The following SLC9A9 variants were observed in gnomAD, a reference collection of about 807,000 sequenced individuals.
SLC9A9 encodes the protein solute carrier family 9 member A9, also known as sodium/hydrogen exchanger 9.
In SLC9A9, 62 loss-of-function variants were observed where a neutral mutation model predicts 77.8. That is an observed-to-expected ratio of 0.80 (90% CI 0.65 to 0.98). The LOEUF is 0.98. Ranked by LOEUF, SLC9A9 falls within the 50% of genes least tolerant of loss-of-function variation. The pLI is 0.00. For synonymous variants in SLC9A9, 320 were observed against 283.5 expected, an observed-to-expected ratio of 1.13 and a Z score of -1.29; for missense variants, 775 against 774.9, an observed-to-expected ratio of 1.00 and a Z score of 0.00.
intron 14 of SLC9A9, among the ~76,000 whole-genome samples, chr3:143,298,204 T>C (rs1236091262): frequency 1.3e-5 from 2 of 152,212 alleles, no homozygotes; most frequent in African/African-American, 4.8e-5. Flanking sequence ...CCACTGTGTA[T>C]CCATTCCGTG....
intron 12 of SLC9A9, among the ~76,000 whole-genome samples, chr3:143,403,086 T>C (rs2033900304): frequency 6.6e-6 from 1 of 152,148 alleles, no homozygotes; most frequent in Non-Finnish European, 1.5e-5. Flanking sequence ...TGCTGTCATA[T>C]ATATTACATC....
At chr3:143,556,601 C>T (rs1010432936) in intron 8 of SLC9A9, among the ~76,000 whole-genome samples, 7 of 152,166 alleles carry the variant, frequency 4.6e-5, no homozygotes, top group African/African-American at 1.7e-4. Context: ...ATTCATTTCC[C>T]TTTACTTTTC....
chr3:143,353,146 C>T (rs563613193), intron 14 of SLC9A9, among the ~76,000 whole-genome samples: 5 of 152,274 alleles, frequency 3.3e-5, no homozygotes, highest in African/African-American at 9.6e-5. Flanking sequence ...AACCCTGCTC[C>T]TTACAGATTC....
At chr3:143,517,828 A>C in intron 9 of SLC9A9, 1 of 1,601,386 alleles carries the variant, frequency 6.2e-7, no homozygotes, top group East Asian at 2.2e-5. Flanking sequence ...TGAATAAGTC[A>C]ATGGCTTTCT....
At chr3:143,347,888 C>T (rs2032337472) in intron 14 of SLC9A9, among the ~76,000 whole-genome samples, 1 of 152,068 alleles carries the variant, frequency 6.6e-6, no homozygotes, top group African/African-American at 2.4e-5. Context: ...AGGTGACAAT[C>T]AATTTAAATT....
intron 14 of SLC9A9, among the ~76,000 whole-genome samples, chr3:143,353,673 C>T (rs1417582683): frequency 6.6e-6 from 1 of 152,108 alleles, no homozygotes; most frequent in Non-Finnish European, 1.5e-5. Flanking sequence ...TGGCTGGTGC[C>T]ACCAATCTAC....
intron 12 of SLC9A9, among the ~76,000 whole-genome samples, chr3:143,427,749 G>C (rs2034432910): frequency 6.6e-6 from 1 of 152,126 alleles, no homozygotes; most frequent in Non-Finnish European, 1.5e-5. Context: ...TCCCTATCAG[G>C]CTGCTAGCAC....
chr3:143,493,916 CA>C (rs749824698), intron 10 of SLC9A9, 152 bp from the exon 11 acceptor site: 1 of 666,330 alleles, frequency 1.5e-6, no homozygotes, highest in Non-Finnish European at 2.7e-6. Flanking sequence ...AACTTGCTTC[CA>C]AAATTTATAT....
intron 5 of SLC9A9, among the ~76,000 whole-genome samples, chr3:143,673,577 G>A (rs1264954342): frequency 6.6e-6 from 1 of 151,420 alleles, no homozygotes; most frequent in Non-Finnish European, 1.5e-5. Flanking sequence ...AGGGAAGGGT[G>A]GGAGGGCAGG....
intron 11 of SLC9A9, among the ~76,000 whole-genome samples, chr3:143,472,257 G>A (rs950498073): frequency 6.6e-6 from 1 of 152,180 alleles, no homozygotes; most frequent in Non-Finnish European, 1.5e-5. Flanking sequence ...GTAAGAAGGT[G>A]TATTAGAGAT....
At chr3:143,515,565 AGGAAG>A (rs2036191593) in intron 9 of SLC9A9, among the ~76,000 whole-genome samples, 1 of 152,206 alleles carries the variant, frequency 6.6e-6, no homozygotes, top group South Asian at 2.1e-4. Flanking sequence ...TATCACATAG[AGGAAG>A]TTCTTCCCTT....
intron 9 of SLC9A9, among the ~76,000 whole-genome samples, chr3:143,519,597 A>G (rs1052626591): frequency 6.6e-6 from 1 of 152,202 alleles, no homozygotes; most frequent in Non-Finnish European, 1.5e-5. Flanking sequence ...CTTTAACACC[A>G]TCATTCTAGC....
At chr3:143,585,015 G>T (rs972844866) in intron 6 of SLC9A9, among the ~76,000 whole-genome samples, 3 of 152,196 alleles carry the variant, frequency 2.0e-5, no homozygotes, top group African/African-American at 7.2e-5. Context: ...CTGCTTGTCA[G>T]CGGTGTGTAG....
chr3:143,455,796 G>GTT (rs775545231), intron 12 of SLC9A9, among the ~76,000 whole-genome samples: 1 of 142,906 alleles, frequency 7.0e-6, no homozygotes. Flanking sequence ...ATTTCTAGAA[G>GTT]TTTTTTTTTT....
chr3:143,289,437 G>C (rs978253668), intron 14 of SLC9A9, among the ~76,000 whole-genome samples: 3 of 152,146 alleles, frequency 2.0e-5, no homozygotes, highest in South Asian at 2.1e-4. Flanking sequence ...CAGAGATGCA[G>C]CAAGAGCACT....
chr3:143,720,453 C>G (rs1055636388), intron 4 of SLC9A9, among the ~76,000 whole-genome samples: 2 of 152,192 alleles, frequency 1.3e-5, no homozygotes, highest in Non-Finnish European at 2.9e-5. Context: ...GAGGAGAATA[C>G]AGTTGGCTGC....
At chr3:143,571,751 T>G (rs2037261615) in intron 8 of SLC9A9, among the ~76,000 whole-genome samples, 1 of 152,224 alleles carries the variant, frequency 6.6e-6, no homozygotes, top group South Asian at 2.1e-4. Context: ...TGGCCTAATT[T>G]TGCAGAAAAA....
chr3:143,723,944 G>A (rs188843377), intron 4 of SLC9A9, among the ~76,000 whole-genome samples: 1 of 152,270 alleles, frequency 6.6e-6, no homozygotes, highest in East Asian at 1.9e-4. Context: ...TTTGCCTATT[G>A]AAGGAAAATA....
chr3:143,496,460 C>T (rs2035834394), intron 9 of SLC9A9, among the ~76,000 whole-genome samples: 1 of 152,148 alleles, frequency 6.6e-6, no homozygotes. Context: ...GTATTTACAG[C>T]CCCACAAATA....
Sources: allele counts gnomAD v4.1 joint callset (sites outside exome capture counted in the v4.1 genomes callset), GRCh38; gene constraint gnomAD v4.1.1; transcripts MANE v1.5; gene names NCBI Gene and HGNC (gene_info 2026-07-23, HGNC 2026-07-21).